Variants in FAM120A observed in about 807,000 individuals in gnomAD.
FAM120A encodes constitutive coactivator of PPAR-gamma-like protein 1.
FAM120A carries 15 observed loss-of-function variants against 109.7 expected under a neutral mutation model. The ratio of observed to expected loss-of-function variants is 0.14; its 90% confidence interval spans 0.09 to 0.21. The LOEUF (loss-of-function observed/expected upper bound fraction) is 0.21, where lower values mean the gene tolerates loss of function less well. Among genes scored for constraint, FAM120A ranks in the 10% least tolerant of loss-of-function variants. The probability of loss-of-function intolerance (pLI) is 1.00; values close to 1 mark genes in which losing one functional copy is unlikely to be tolerated. For missense variants in FAM120A, 899 were observed against 1,439.3 expected (o/e 0.62, Z 6.07); for synonymous variants, 493 against 572.8 (o/e 0.86, Z 1.99).
chr9:93,478,428 G>A (rs1457180545), intron 3 of FAM120A, among the ~76,000 whole-genome samples: 1 of 152,044 alleles, frequency 6.6e-6, no homozygotes, highest in Non-Finnish European at 1.5e-5. Context: ...CACATGAAAT[G>A]CAAGTGCACC....
intron 1 of FAM120A, among the ~76,000 whole-genome samples, chr9:93,466,618 G>A (rs1189083738): frequency 2.6e-5 from 4 of 152,084 alleles, no homozygotes; most frequent in Non-Finnish European, 5.9e-5. Flanking sequence ...GTGTCTCTGT[G>A]TCTAGGCCCT....
intron 1 of FAM120A, among the ~76,000 whole-genome samples, chr9:93,465,844 G>C (rs1282912198): frequency 1.3e-5 from 2 of 152,158 alleles, no homozygotes; most frequent in Admixed American, 6.5e-5. Flanking sequence ...CCTGTCTTCT[G>C]GGGCAGCTTT....
chr9:93,494,552 C>A (rs1177468694), intron 3 of FAM120A, among the ~76,000 whole-genome samples: 2 of 152,180 alleles, frequency 1.3e-5, no homozygotes, highest in African/African-American at 4.8e-5. Context: ...TCATCTTCCC[C>A]TTCTTATCTG....
At position 93,451,722 on chromosome 9, in the gene FAM120A, G is replaced by C; in HGVS notation, c.-194G>C. On this transcript the variant is annotated 5_prime_UTR_variant, in exon 1 of 18. Coordinates refer to ENST00000277165, the MANE Select transcript of FAM120A (RefSeq NM_014612.5). ...GCGGCGGCAGCGGCGGCGGCGGCAGGTCCCTCCCCAGACATGGCCCTGGGA... is the reference window on the plus strand; with the variant it reads ...GCGGCGGCAGCGGCGGCGGCGGCAGCTCCCTCCCCAGACATGGCCCTGGGA... 1.0e-6 allele frequency: 1 copy of C among 986,354 alleles called. No homozygotes were observed. Among genetic ancestry groups the C allele is most frequent in the Non-Finnish European group, 1.2e-6 (1 of 833,194 alleles). 61.1% of individuals were successfully genotyped at this position (986,354 alleles called of 1,614,324 possible).
At chr9:93,520,728 C>T (rs1268233826) in intron 7 of FAM120A, among the ~76,000 whole-genome samples, 1 of 152,160 alleles carries the variant, frequency 6.6e-6, no homozygotes, top group African/African-American at 2.4e-5. Flanking sequence ...TGCCCCCATG[C>T]TGTCATCAGG....
At chr9:93,457,279 A>G (rs1234003279) in intron 1 of FAM120A, among the ~76,000 whole-genome samples, 3 of 152,160 alleles carry the variant, frequency 2.0e-5, no homozygotes, top group African/African-American at 2.4e-5. Flanking sequence ...TTGCTGGGTC[A>G]TATGGTAATT....
intron 7 of FAM120A, among the ~76,000 whole-genome samples, chr9:93,522,181 C>G (rs943999158): frequency 1.3e-5 from 2 of 152,186 alleles, no homozygotes; most frequent in African/African-American, 2.4e-5. Context: ...TGAATCAAAT[C>G]TGAGGTTACT....
intron 13 of FAM120A, among the ~76,000 whole-genome samples, chr9:93,557,446 A>T (rs913585087): frequency 6.6e-6 from 1 of 152,148 alleles, no homozygotes; most frequent in Non-Finnish European, 1.5e-5. Flanking sequence ...CATTTTAAAC[A>T]GTGAAATTAC....
At chr9:93,472,655 T>A (rs1858359463) in intron 2 of FAM120A, among the ~76,000 whole-genome samples, 1 of 152,224 alleles carries the variant, frequency 6.6e-6, no homozygotes, top group South Asian at 2.1e-4. Flanking sequence ...TTTTTAGAAA[T>A]GCCTAGTTAT....
intron 12 of FAM120A, among the ~76,000 whole-genome samples, chr9:93,554,182 A>T (rs946844671): frequency 7.2e-5 from 2 of 27,630 alleles, no homozygotes; most frequent in Admixed American, 3.3e-4. Context: ...CACACACACT[A>T]GCCTTGCTGC....
intron 10 of FAM120A, among the ~76,000 whole-genome samples, chr9:93,541,552 A>G (rs1389368326): frequency 6.6e-6 from 1 of 152,236 alleles, no homozygotes; most frequent in African/African-American, 2.4e-5. Flanking sequence ...GTATTTATAT[A>G]TACATGTATG....
rs1190415872 is a variant in FAM120A, at chr9:93,565,800, T to C, written c.*1260T>C. On this transcript the variant is annotated 3_prime_UTR_variant, in exon 18 of 18. Coordinates refer to ENST00000277165, the MANE Select transcript of FAM120A (RefSeq NM_014612.5). Reference sequence around the variant, plus strand: ...TAGAAGCAGGTATACTTCTATCATTTTGATGTTTTTGTTAATGTTTCCAAA... The same window carrying C: ...TAGAAGCAGGTATACTTCTATCATTCTGATGTTTTTGTTAATGTTTCCAAA... 6.6e-6 allele frequency: 1 copy of C among 152,644 alleles called. No individual in the cohort carries two copies. Among genetic ancestry groups the C allele is most frequent in the East Asian group, 1.9e-4 (1 of 5,206 alleles). 9.5% of individuals were successfully genotyped at this position (152,644 alleles called of 1,614,324 possible).
chr9:93,496,842 A>G (rs1859597870), intron 3 of FAM120A, among the ~76,000 whole-genome samples: 1 of 152,156 alleles, frequency 6.6e-6, no homozygotes, highest in South Asian at 2.1e-4. Flanking sequence ...TTCTAGTGTC[A>G]GCTGTTTTTG....
intron 5 of FAM120A, among the ~76,000 whole-genome samples, chr9:93,511,287 G>A (rs1273702823): frequency 6.6e-6 from 1 of 152,262 alleles, no homozygotes; most frequent in South Asian, 2.1e-4. Context: ...TCTGGGCGCC[G>A]GCCTCTGGCT....
chr9:93,461,499 T>C (rs1438559778), intron 1 of FAM120A, among the ~76,000 whole-genome samples: 1 of 152,224 alleles, frequency 6.6e-6, no homozygotes, highest in Non-Finnish European at 1.5e-5. Flanking sequence ...ATGTTTTAGA[T>C]TTTGGAATGG....
In FAM120A at chr9:93,543,369, G is replaced by A. The variant is rs749235071; in HGVS notation, c.2057G>A (p.Arg686His). ...WLGKAVEDKN[R>H]RMRAFLACMR... ...GGTAAGGCGGTAGAGGACAAGAACC[G>A]CAGGATGAGGGCCTTCCTGGCCTGC... The change falls in exon 11 of 18, where the codon CGC becomes CAC. Residue 686 changes from arginine to histidine, a missense_variant. Around this residue, in one of 11 missense-constraint regions of FAM120A, gnomAD observed 133 missense variants for 276.6 expected, o/e 0.48. Coordinates refer to ENST00000277165, the MANE Select transcript of FAM120A (RefSeq NM_014612.5). The A allele has an allele frequency of 2.5e-6, 4 of 1,614,172 alleles. No homozygotes were observed. The highest frequency in any genetic ancestry group is 3.4e-6 in the Non-Finnish European group (4 of 1,180,006).
chr9:93,456,412 C>T (rs1300528161), intron 1 of FAM120A, among the ~76,000 whole-genome samples: 1 of 152,172 alleles, frequency 6.6e-6, no homozygotes, highest in Non-Finnish European at 1.5e-5. Flanking sequence ...AAATGGCGTT[C>T]ATGCTATAAG....
chr9:93,564,321 C>T lies in FAM120A; in HGVS notation c.3138C>T (p.Asp1046=), dbSNP rs141937476. The change falls in exon 18 of 18, where the codon GAC becomes GAT. Residue 1046 remains aspartate (D), a synonymous_variant. Transcript: ENST00000277165. ...GESKSSAMSS[D]GSLAENGVMA... is the part of the protein sequence containing the mutation. Reference sequence around the variant, plus strand: ...CGAAGTCCTCTGCTATGTCTTCAGACGGGTCCCTGGCTGAAAACGGAGTGA... The same window carrying T: ...CGAAGTCCTCTGCTATGTCTTCAGATGGGTCCCTGGCTGAAAACGGAGTGA... 180 of 1,614,198 alleles carry T rather than the reference C, an allele frequency of 1.1e-4. 4 individuals are homozygous for T. The highest frequency in any genetic ancestry group is 1.0e-3 in the South Asian group (94 of 91,088).
rs1396010794 is a variant in FAM120A at position 93,500,583 on chromosome 9, A to C, written c.1030+1697A>C. Among the ~76,000 whole-genome samples the C allele has an allele frequency of 6.6e-6, 1 of 152,218 alleles. No individual in the cohort carries two copies. The highest frequency in any genetic ancestry group is 1.5e-5 in the Non-Finnish European group (1 of 68,038). ...GGGCCTATTAGTCACCTTTACTTTT[A>C]TATCCCCAGTGGATAAATATTTGAC... On this transcript the variant is annotated intron_variant, in intron 5 of 17. Transcript: ENST00000277165. This position sits in a 1 kb window ranked among gnomAD's most constrained non-coding sequence, Gnocchi z 4.6.
Sources: allele counts gnomAD v4.1 joint callset (sites outside exome capture counted in the v4.1 genomes callset), GRCh38; gene constraint gnomAD v4.1.1; regional missense constraint gnomAD v4.1.1; non-coding constraint Gnocchi (gnomAD v3.1); transcripts MANE v1.5; gene names NCBI Gene and HGNC (gene_info 2026-07-23, HGNC 2026-07-21).